The following MAP2 variants were observed in gnomAD, a reference collection of about 807,000 sequenced individuals.
MAP2 encodes microtubule-associated protein 2.
A neutral mutation model predicts 137.6 loss-of-function variants in MAP2; 14 were observed. The ratio of observed to expected loss-of-function variants is 0.10; its 90% CI spans 0.07 to 0.16. The LOEUF is 0.16. Ranked by LOEUF, MAP2 falls within the 10% of genes least tolerant of loss-of-function variation. The probability of loss-of-function intolerance (pLI) is 1.00; values close to 1 mark genes in which losing one functional copy is unlikely to be tolerated. For synonymous variants in MAP2, 786 were observed against 782.3 expected (o/e 1.00, Z -0.08); for missense variants, 2,088 against 2,191.5 (o/e 0.95, Z 0.94).
chr2:209,494,694 A>G (rs2059545699), intron 1 of MAP2, among the ~76,000 whole-genome samples: 1 of 152,228 alleles, frequency 6.6e-6, no homozygotes, highest in Non-Finnish European at 1.5e-5. Flanking sequence ...GCTATTCTTT[A>G]TTCCTTTACT....
At chr2:209,482,589 C>T (rs1210031263) in intron 1 of MAP2, among the ~76,000 whole-genome samples, 1 of 152,166 alleles carries the variant, frequency 6.6e-6, no homozygotes, top group Non-Finnish European at 1.5e-5. Context: ...AATTAAACCT[C>T]CATTTTATAC....
chr2:209,688,406 T>C (rs940610814), intron 7 of MAP2, among the ~76,000 whole-genome samples: 1 of 152,216 alleles, frequency 6.6e-6, no homozygotes, highest in Non-Finnish European at 1.5e-5. Flanking sequence ...TTAAATAGCA[T>C]TAGCTTTCTT....
At chr2:209,575,530 A>T (rs1016677255) in intron 2 of MAP2, among the ~76,000 whole-genome samples, 2 of 150,678 alleles carry the variant, frequency 1.3e-5, no homozygotes, top group African/African-American at 2.4e-5. Context: ...AAAAAAAAAA[A>T]AAAAAAAAAA....
chr2:209,673,802 C>T (rs1338349045), intron 5 of MAP2, among the ~76,000 whole-genome samples: 1 of 151,232 alleles, frequency 6.6e-6, no homozygotes, highest in Non-Finnish European at 1.5e-5. Flanking sequence ...GAAGAAAAAG[C>T]AAGAAAAAGA....
intron 7 of MAP2, among the ~76,000 whole-genome samples, chr2:209,687,898 A>G (rs2057567238): frequency 1.3e-5 from 2 of 151,994 alleles, no homozygotes; most frequent in Non-Finnish European, 1.5e-5. Flanking sequence ...AGAACGGACC[A>G]CCTCTAGTGT....
chr2:209,497,414 C>T (rs879925845), intron 1 of MAP2, among the ~76,000 whole-genome samples: 1 of 152,204 alleles, frequency 6.6e-6, no homozygotes, highest in African/African-American at 2.4e-5. Flanking sequence ...TGTGATCTCA[C>T]CCCTCCAACC....
intron 1 of MAP2, among the ~76,000 whole-genome samples, chr2:209,482,516 A>G (rs780568236): frequency 2.6e-5 from 4 of 152,186 alleles, no homozygotes; most frequent in Admixed American, 6.5e-5. Context: ...ATATGTGTTC[A>G]GGTTGATATA....
At chr2:209,714,289 ATGT>A (rs549060351) in intron 13 of MAP2, among the ~76,000 whole-genome samples, 216 of 152,316 alleles carry the variant, frequency 1.4e-3, no homozygotes, top group African/African-American at 5.1e-3. Context: ...GGTTTCACAG[ATGT>A]TGTTTTCATT....
chr2:209,682,832 G>T (rs889344301), intron 7 of MAP2, among the ~76,000 whole-genome samples: 1 of 152,094 alleles, frequency 6.6e-6, no homozygotes, highest in African/African-American at 2.4e-5. Context: ...GGTCAGCTGG[G>T]GTCAGTGGCC....
chr2:209,559,144 C>T (rs2071381981), intron 2 of MAP2, among the ~76,000 whole-genome samples: 1 of 152,020 alleles, frequency 6.6e-6, no homozygotes, highest in Non-Finnish European at 1.5e-5. Context: ...CCCTTACTAA[C>T]TGGCATTCTT....
At chr2:209,435,290 T>G (rs1015637961) in intron 1 of MAP2, among the ~76,000 whole-genome samples, 8 of 151,760 alleles carry the variant, frequency 5.3e-5, no homozygotes, top group African/African-American at 1.9e-4. Flanking sequence ...AAAGTATGTC[T>G]TATAAGTGCC....
intron 1 of MAP2, among the ~76,000 whole-genome samples, chr2:209,459,199 C>A (rs7580512): frequency 0.75 from 114,098 of 151,840 alleles, 44,282 homozygotes; most frequent in Non-Finnish European, 0.86. Context: ...TATTAGCTCT[C>A]ATCTTGGGTA....
At position 209,512,556 on chromosome 2, in the gene MAP2, TACACACAC is replaced by T. The variant is rs150144839; in HGVS notation, c.-172+4953_-172+4960del. On this transcript the variant is annotated intron_variant, in intron 2 of 15. Coordinates refer to ENST00000682079, the MANE Select transcript of MAP2 (RefSeq NM_001375505.1). Reference sequence around the variant, plus strand: ...TATTAATGAAAGAAGCCAGAAGTTATACACACACACACACACACACACACACACACACA... The same window carrying T: ...TATTAATGAAAGAAGCCAGAAGTTATACACACACACACACACACACACACA... Among the ~76,000 whole-genome samples, 210 of 144,920 alleles carry T rather than the reference TACACACAC, an allele frequency of 1.4e-3. 1 individual carries two copies. Among genetic ancestry groups the T allele is most frequent in the African/African-American group, 4.4e-3 (173 of 39,066 alleles).
intron 2 of MAP2, among the ~76,000 whole-genome samples, chr2:209,540,097 TAAAAAAAAA>T (rs35280709): frequency 2.5e-4 from 10 of 39,530 alleles, no homozygotes; most frequent in African/African-American, 5.6e-4. Flanking sequence ...GGAGACGTTG[TAAAAAAAAA>T]AAAAAAAAAA....
chr2:209,558,418 A>G (rs1179940993), intron 2 of MAP2, among the ~76,000 whole-genome samples: 1 of 151,742 alleles, frequency 6.6e-6, no homozygotes, highest in African/African-American at 2.4e-5. Flanking sequence ...TGAACTCTTG[A>G]CCTCAGGTGA....
chr2:209,563,830 G>A (rs1210088735), intron 2 of MAP2, among the ~76,000 whole-genome samples: 1 of 152,096 alleles, frequency 6.6e-6, no homozygotes, highest in Non-Finnish European at 1.5e-5. Flanking sequence ...GCTTTGCGTT[G>A]AAAAAATAAG....
intron 13 of MAP2, among the ~76,000 whole-genome samples, chr2:209,717,423 T>C (rs1394487407): frequency 6.6e-6 from 1 of 152,158 alleles, no homozygotes; most frequent in Non-Finnish European, 1.5e-5. Flanking sequence ...CCTCCTCCAA[T>C]TCAACCTGAG....
intron 13 of MAP2, 43 bp downstream of exon 13, chr2:209,710,297 T>C (rs2064987372): frequency 7.0e-7 from 1 of 1,437,672 alleles, no homozygotes. Context: ...GAAATAATTA[T>C]TACATTGCCT....
intron 1 of MAP2, among the ~76,000 whole-genome samples, chr2:209,466,085 T>TAG (rs1211572321): frequency 6.6e-6 from 1 of 152,158 alleles, no homozygotes; most frequent in Non-Finnish European, 1.5e-5. Context: ...TGGTTTGTGT[T>TAG]AAAGTCCCAT....
Sources: gnomAD v4.1 joint callset for allele counts (sites outside exome capture counted in the v4.1 genomes callset) on GRCh38, gnomAD v4.1.1 for gene constraint, MANE v1.5 for transcripts, NCBI Gene and HGNC (gene_info 2026-07-23, HGNC 2026-07-21) for gene names.